Variants in TXNDC16 observed in about 807,000 individuals in gnomAD.
TXNDC16 encodes the protein thioredoxin domain containing 16.
In TXNDC16, 74 loss-of-function variants were observed where a neutral mutation model predicts 85.6. The observed-to-expected ratio is 0.86, with a 90% CI of 0.72 to 1.05. The LOEUF is 1.05. Among genes scored for constraint, TXNDC16 ranks in the 50% least tolerant of loss-of-function variants. The probability of loss-of-function intolerance (pLI) is 0.00; values close to 1 mark genes in which losing one functional copy is unlikely to be tolerated. For synonymous variants in TXNDC16, 335 were observed against 326.5 expected, an observed-to-expected ratio of 1.03 and a Z score of -0.28; for missense variants, 959 against 947.0, an observed-to-expected ratio of 1.01 and a Z score of -0.17.
chr14:52,496,509 A>G (rs1264732803), intron 9 of TXNDC16, among the ~76,000 whole-genome samples: 1 of 151,106 alleles, frequency 6.6e-6, no homozygotes, highest in African/African-American at 2.4e-5. Flanking sequence ...TATAAAGTAC[A>G]TATATCATTT....
chr14:52,481,573 T>C (rs1038390011), intron 14 of TXNDC16, among the ~76,000 whole-genome samples: 1 of 152,188 alleles, frequency 6.6e-6, no homozygotes, highest in Non-Finnish European at 1.5e-5. Context: ...TAAGCTGATA[T>C]AAGGCACACT....
chr14:52,486,873 C>G (rs1427428066), intron 12 of TXNDC16, among the ~76,000 whole-genome samples: 1 of 152,132 alleles, frequency 6.6e-6, no homozygotes, highest in Non-Finnish European at 1.5e-5. Context: ...TGGATACACT[C>G]AATACCCTGA....
intron 9 of TXNDC16, among the ~76,000 whole-genome samples, chr14:52,492,861 T>C (rs1464896505): frequency 6.6e-6 from 1 of 152,144 alleles, no homozygotes; most frequent in African/African-American, 2.4e-5. Context: ...TTTGGCCACA[T>C]CTCTCAAGTC....
chr14:52,505,839 GAAGAA>G (rs2036785410), intron 9 of TXNDC16, among the ~76,000 whole-genome samples: 1 of 151,964 alleles, frequency 6.6e-6, no homozygotes, highest in South Asian at 2.1e-4. Flanking sequence ...GACTAATAAA[GAAGAA>G]AAGAGAGAAG....
rs200985220 is a variant in TXNDC16, at chr14:52,537,560, G to A, written c.317+39C>T. On this transcript the variant is annotated intron_variant, in intron 5 of 20. Transcript: ENST00000281741. The stretch of plus-strand genomic sequence containing the variant: ...CATATTTGAATATTCTAGAAGTATA[G>A]CTTTGTATTTGTCCAGCACACTCAG... 3.0e-6 allele frequency: 4 copies of A among 1,341,484 alleles called. No homozygotes were observed. The African/African-American group carries it at 4.3e-5, about 14-fold the overall frequency. The allele number at this position is 1,341,484 out of a possible 1,614,324, so 83.1% of individuals were successfully genotyped here. A position where few individuals can be genotyped will look rare whatever the true frequency, so the allele number is the denominator to read the frequency against.
chr14:52,512,575 T>A (rs61505754), intron 8 of TXNDC16, among the ~76,000 whole-genome samples: 14,646 of 152,158 alleles, frequency 0.096, 798 homozygotes, highest in East Asian at 0.17. Context: ...TAGTTAAGGC[T>A]GGACTCCATA....
chr14:52,466,327 A>G (rs1280750617), intron 16 of TXNDC16, among the ~76,000 whole-genome samples: 1 of 139,798 alleles, frequency 7.2e-6, no homozygotes, highest in Non-Finnish European at 1.5e-5. Flanking sequence ...TGGGAGGCAG[A>G]GGTTGCAGTG....
At chr14:52,535,011 G>A (rs563796563) in intron 6 of TXNDC16, among the ~76,000 whole-genome samples, 1 of 152,298 alleles carries the variant, frequency 6.6e-6, no homozygotes, top group South Asian at 2.1e-4. Flanking sequence ...AGGGCCAGCT[G>A]TTTCAAAACC....
chr14:52,473,131 G>A (rs1206739886), intron 14 of TXNDC16, among the ~76,000 whole-genome samples: 2 of 151,970 alleles, frequency 1.3e-5, no homozygotes, highest in Non-Finnish European at 2.9e-5. Flanking sequence ...TATAAAACTC[G>A]ACACATTCGC....
rs763738991 is a variant in TXNDC16, at chr14:52,543,369, A to C, written c.160+29T>G. On this transcript the variant is annotated intron_variant, in intron 3 of 20. Coordinates refer to ENST00000281741, the MANE Select transcript of TXNDC16 (RefSeq NM_020784.3). ...TAAATAGCAATAAAAACATCACAAG[A>C]ATCATATTAGAATTTTAAAAATACT... The C allele has an allele frequency of 1.3e-5, 21 of 1,584,016 alleles. No homozygotes were observed. In the Middle Eastern group the frequency reaches 1.0e-3, roughly 79 times the overall value.
chr14:52,488,277 T>C, intron 12 of TXNDC16, 86 bp downstream of exon 12: 1 of 1,513,900 alleles, frequency 6.6e-7, no homozygotes, highest in Non-Finnish European at 9.0e-7. Flanking sequence ...GAACACATTC[T>C]TGGAGAAAGT....
In TXNDC16 at chr14:52,430,948, T is replaced by C. The variant is rs904861209; in HGVS notation, c.*1356A>G. The stretch of plus-strand genomic sequence containing the variant: ...TGTTAGATTCCTTAAATTTCAGTTA[T>C]AAAAATCAGTTGTATCAGGCAAACC... On this transcript the variant is annotated 3_prime_UTR_variant, in exon 21 of 21. Coordinates refer to ENST00000281741, the MANE Select transcript of TXNDC16 (RefSeq NM_020784.3). 4 of 152,178 alleles carry C rather than the reference T, an allele frequency of 2.6e-5. No homozygotes were observed. Among genetic ancestry groups the C allele is most frequent in the Admixed American group, 2.0e-4 (3 of 15,280 alleles). 9.4% of individuals were successfully genotyped at this position (152,178 alleles called of 1,614,324 possible).
At chr14:52,492,742 C>A (rs1000058716) in intron 9 of TXNDC16, among the ~76,000 whole-genome samples, 1 of 152,144 alleles carries the variant, frequency 6.6e-6, no homozygotes, top group Admixed American at 6.5e-5. Context: ...CAGACACTTA[C>A]CAGTCAGGGG....
chr14:52,449,227 C>T (rs1433462715), intron 18 of TXNDC16, among the ~76,000 whole-genome samples: 4 of 151,566 alleles, frequency 2.6e-5, no homozygotes, highest in African/African-American at 4.8e-5. Flanking sequence ...TAATGATATA[C>T]AAAGACTGAA....
At chr14:52,447,928 G>A (rs1018320376) in intron 18 of TXNDC16, among the ~76,000 whole-genome samples, 4 of 151,340 alleles carry the variant, frequency 2.6e-5, no homozygotes, top group African/African-American at 9.7e-5. Flanking sequence ...AGTCCTTTAA[G>A]AGCAGAAATG....
chr14:52,508,393 G>A (rs1349710458), intron 9 of TXNDC16, among the ~76,000 whole-genome samples: 3 of 152,114 alleles, frequency 2.0e-5, no homozygotes, highest in Admixed American at 6.6e-5. Context: ...TTAGAATGGC[G>A]ATCATTAAAA....
At chr14:52,450,263 T>C (rs2035376361) in intron 18 of TXNDC16, among the ~76,000 whole-genome samples, 1 of 151,872 alleles carries the variant, frequency 6.6e-6, no homozygotes, top group South Asian at 2.1e-4. Flanking sequence ...ACAATTGATA[T>C]AGCAGAAATT....
intron 4 of TXNDC16, among the ~76,000 whole-genome samples, chr14:52,541,971 G>A (rs771412913): frequency 1.1e-4 from 16 of 152,006 alleles, no homozygotes; most frequent in Admixed American, 6.6e-4. Context: ...AAAATTATTT[G>A]TTTACCTCCA....
chr14:52,542,358 A>G lies in TXNDC16; in HGVS notation c.243+13T>C, dbSNP rs776943163. 1 of 1,574,888 alleles carries G rather than the reference A, an allele frequency of 6.3e-7. No individual in the cohort carries two copies. On this transcript the variant is annotated intron_variant, in intron 4 of 20. Coordinates refer to ENST00000281741, the MANE Select transcript of TXNDC16 (RefSeq NM_020784.3). Reference sequence around the variant, plus strand: ...TCGTCACTAATATTTTAGTAACATAAATATCTTTCTACCTTGGCAACTGAA... The same window carrying G: ...TCGTCACTAATATTTTAGTAACATAGATATCTTTCTACCTTGGCAACTGAA...
Sources: gnomAD v4.1 joint callset for allele counts (sites outside exome capture counted in the v4.1 genomes callset) on GRCh38, gnomAD v4.1.1 for gene constraint, MANE v1.5 for transcripts, NCBI Gene and HGNC (gene_info 2026-07-23, HGNC 2026-07-21) for gene names.